Variants in HMCN1 observed in about 807,000 individuals in gnomAD.
HMCN1 encodes hemicentin-1.
A neutral mutation model predicts 625.9 loss-of-function variants in HMCN1; 321 were observed. The observed-to-expected ratio is 0.51, with a 90% CI of 0.47 to 0.56. HMCN1 has a LOEUF of 0.56. Among genes scored for constraint, HMCN1 ranks in the 20% least tolerant of loss-of-function variants. HMCN1 has a pLI of 0.00. For synonymous variants in HMCN1, 2,425 were observed against 2,417.6 expected (o/e 1.00, Z -0.09); for missense variants, 6,588 against 6,887.3 (o/e 0.96, Z 1.54).
chr1:185,988,231 C>A (rs778015937), intron 20 of HMCN1, among the ~76,000 whole-genome samples: 1 of 152,164 alleles, frequency 6.6e-6, no homozygotes, highest in African/African-American at 2.4e-5. Flanking sequence ...CTAATTTATT[C>A]CCCTCTATGT....
intron 1 of HMCN1, among the ~76,000 whole-genome samples, chr1:185,827,730 T>C (rs956840490): frequency 2.6e-5 from 4 of 152,032 alleles, no homozygotes; most frequent in Non-Finnish European, 5.9e-5. Context: ...ATAATTTCCC[T>C]AAGTTAAGGA....
At chr1:186,126,294 A>G (rs1481844017) in intron 82 of HMCN1, among the ~76,000 whole-genome samples, 1 of 152,168 alleles carries the variant, frequency 6.6e-6, no homozygotes, top group East Asian at 1.9e-4. Context: ...CAAATATTCA[A>G]CAAATATTTA....
At chr1:185,916,904 G>T (rs557107101) in intron 6 of HMCN1, among the ~76,000 whole-genome samples, 74 of 152,040 alleles carry the variant, frequency 4.9e-4, no homozygotes, top group Non-Finnish European at 9.0e-4. Flanking sequence ...ACTTAATGAG[G>T]AAAAAACCTG....
At chr1:186,138,439 A>G (rs1184250432) in intron 89 of HMCN1, among the ~76,000 whole-genome samples, 2 of 152,118 alleles carry the variant, frequency 1.3e-5, no homozygotes, top group South Asian at 2.1e-4. Flanking sequence ...AATATTGTGT[A>G]TTGTTATTGA....
intron 45 of HMCN1, among the ~76,000 whole-genome samples, chr1:186,056,963 G>C (rs1231788724): frequency 6.6e-6 from 1 of 150,860 alleles, no homozygotes; most frequent in Non-Finnish European, 1.5e-5. Flanking sequence ...ACCACTATTG[G>C]AATAACAATA....
intron 54 of HMCN1, 136 bp from the exon 55 acceptor site, chr1:186,077,971 A>G (rs954458943): frequency 2.9e-6 from 2 of 680,622 alleles, no homozygotes; most frequent in African/African-American, 1.8e-5. Flanking sequence ...TCTGAGATTA[A>G]AACTGAACCA....
At chr1:186,018,418 C>A in intron 34 of HMCN1, 66 bp downstream of exon 34, 1 of 1,389,520 alleles carries the variant, frequency 7.2e-7, no homozygotes, top group Non-Finnish European at 1.0e-6. Flanking sequence ...TATTATCTAA[C>A]TCAGATTGTA....
intron 102 of HMCN1, among the ~76,000 whole-genome samples, chr1:186,173,640 C>CAAAAA (rs762258823): frequency 0.29 from 21,576 of 73,904 alleles, 2,363 homozygotes; most frequent in Middle Eastern, 0.37. Flanking sequence ...GACTCCATCT[C>CAAAAA]AAAAAAAAAA....
chr1:185,818,073 C>T (rs1659952861), intron 1 of HMCN1, among the ~76,000 whole-genome samples: 1 of 152,092 alleles, frequency 6.6e-6, no homozygotes. Flanking sequence ...CTCCAGAAGC[C>T]TTCCTTAGAT....
At chr1:186,120,470 A>G (rs957559679) in intron 80 of HMCN1, among the ~76,000 whole-genome samples, 1 of 152,346 alleles carries the variant, frequency 6.6e-6, no homozygotes, top group East Asian at 1.9e-4. Context: ...CCTTGGATAC[A>G]TTACAAAACA....
rs74133688 is a variant in HMCN1 at position 185,845,932 on chromosome 1, T to A, written c.269-94T>A. On this transcript the variant is annotated intron_variant, in intron 1 of 106. Coordinates refer to ENST00000271588, the MANE Select transcript of HMCN1 (RefSeq NM_031935.3). ...ACTATTTCTTATTAATAAGTAACCA[T>A]GTACTGCAAGGTGAAAAGACATCTA... 3.5e-3 allele frequency: 2,702 copies of A among 777,086 alleles called. 49 individuals are homozygous for A. In the African/African-American group the frequency reaches 0.041, roughly 12 times the overall value. The allele number at this position is 777,086 out of a possible 1,614,324, so 48.1% of individuals were successfully genotyped here.
chr1:186,149,780 G>A (rs540107782), intron 93 of HMCN1, among the ~76,000 whole-genome samples: 44 of 152,230 alleles, frequency 2.9e-4, no homozygotes, highest in Admixed American at 1.2e-3. Flanking sequence ...CCATTGTAGG[G>A]TGAATAATTG....
chr1:185,812,344 T>C (rs947063797), intron 1 of HMCN1, among the ~76,000 whole-genome samples: 2 of 152,158 alleles, frequency 1.3e-5, no homozygotes, highest in Non-Finnish European at 2.9e-5. Flanking sequence ...AGAGACTGCA[T>C]CATCTTAAAA....
intron 68 of HMCN1, among the ~76,000 whole-genome samples, chr1:186,098,050 C>T (rs924614510): frequency 6.6e-6 from 1 of 151,950 alleles, no homozygotes; most frequent in African/African-American, 2.4e-5. Context: ...CAAAAATCAA[C>T]TCAAAATGGA....
chr1:185,837,110 T>A (rs924149711), intron 1 of HMCN1, among the ~76,000 whole-genome samples: 9 of 151,298 alleles, frequency 5.9e-5, no homozygotes, highest in Admixed American at 5.3e-4. Flanking sequence ...GGCATTTAGG[T>A]TGATTCCATG....
At chr1:185,796,098 G>C (rs1027969914) in intron 1 of HMCN1, among the ~76,000 whole-genome samples, 9 of 152,204 alleles carry the variant, frequency 5.9e-5, no homozygotes, top group Non-Finnish European at 8.8e-5. Context: ...ACCAGTGACT[G>C]GGTTTGTGGA....
Position 185,965,863 on chromosome 1 carries a change from T to C in HMCN1, c.2160T>C (p.Val720=). 4 of 1,612,398 alleles carry C rather than the reference T, an allele frequency of 2.5e-6. No individual in the cohort carries two copies. Among genetic ancestry groups the C allele is most frequent in the Non-Finnish European group, 3.4e-6 (4 of 1,178,576 alleles). The change falls in exon 14 of 107, where the codon GTT becomes GTC. Residue 720 remains valine, a synonymous_variant. Coordinates refer to ENST00000271588, the MANE Select transcript of HMCN1 (RefSeq NM_031935.3). ...ELLVALGDIT[V]MECKTSGIPP... The stretch of plus-strand genomic sequence containing the variant: ...TGGTTGCCCTTGGGGATATAACCGT[T>C]ATGGAATGCAAAACCTCTGGTATTC...
At position 185,982,991 on chromosome 1, in the gene HMCN1, G is replaced by A. The variant is rs188970570; in HGVS notation, c.2790+602G>A. The stretch of plus-strand genomic sequence containing the variant: ...ATATAGAAGAACTGAAGCAAATATT[G>A]TTATTTTCATAGTACTTAAATATTT... On this transcript the variant is annotated intron_variant, in intron 18 of 106. Transcript: ENST00000271588. Among the ~76,000 whole-genome samples the A allele has an allele frequency of 7.6e-4, 115 of 151,872 alleles. 1 individual carries two copies. The highest frequency in any genetic ancestry group is 5.8e-4 in the East Asian group (3 of 5,182).
intron 1 of HMCN1, among the ~76,000 whole-genome samples, chr1:185,836,482 A>G (rs900609926): frequency 1.3e-5 from 2 of 152,146 alleles, no homozygotes; most frequent in South Asian, 2.1e-4. Flanking sequence ...TCTCCATGGA[A>G]CAATAATTTA....
Sources: gnomAD v4.1 joint callset for allele counts (sites outside exome capture counted in the v4.1 genomes callset) on GRCh38, gnomAD v4.1.1 for gene constraint, MANE v1.5 for transcripts, NCBI Gene and HGNC (gene_info 2026-07-23, HGNC 2026-07-21) for gene names.